DNAH14: variants seen among roughly 807,000 people sequenced by gnomAD.
DNAH14 encodes axonemal beta dynein heavy chain 14.
DNAH14 carries 478 observed loss-of-function variants against 520.9 expected under a neutral mutation model. The ratio of observed to expected loss-of-function variants is 0.92; its 90% CI spans 0.85 to 0.99. The LOEUF (loss-of-function observed/expected upper bound fraction) is 0.99. Among genes scored for constraint, DNAH14 ranks in the 50% least tolerant of loss-of-function variants. The pLI is 0.00. For synonymous variants in DNAH14, 1,581 were observed against 1,757.2 expected (o/e 0.90, Z 2.51); for missense variants, 4,831 against 5,234.5 (o/e 0.92, Z 2.38).
At chr1:224,935,815 C>A (rs2058997861) in intron 1 of DNAH14, among the ~76,000 whole-genome samples, 1 of 151,644 alleles carries the variant, frequency 6.6e-6, no homozygotes, top group African/African-American at 2.4e-5. Flanking sequence ...TATTAGGCCA[C>A]AAAACAAGTC....
intron 17 of DNAH14, among the ~76,000 whole-genome samples, chr1:225,059,171 G>C (rs1288831609): frequency 2.0e-5 from 3 of 152,262 alleles, no homozygotes; most frequent in Admixed American, 1.3e-4. Flanking sequence ...AAGTCTCTTT[G>C]TAGGTCTCCA....
chr1:225,341,861 T>C (rs900981190), intron 69 of DNAH14, among the ~76,000 whole-genome samples: 10 of 152,238 alleles, frequency 6.6e-5, no homozygotes, highest in Middle Eastern at 3.2e-3. Flanking sequence ...ACTGCCTTTC[T>C]ATTTTAACTT....
Position 224,929,811 on chromosome 1 carries a change from C to A in DNAH14, c.-58C>A. The stretch of plus-strand genomic sequence containing the variant: ...TCGCCGCTTCCAGGAAGGGCCACAA[C>A]GGCCGTCGGACCACGGCGCGGCGGG... On this transcript the variant is annotated 5_prime_UTR_variant, in exon 1 of 86. Transcript: ENST00000682510. 2.9e-6 allele frequency: 2 copies of A among 696,424 alleles called. No individual in the cohort carries two copies. The highest frequency in any genetic ancestry group is 3.0e-5 in the South Asian group (2 of 67,366). 43.1% of individuals were successfully genotyped at this position (696,424 alleles called of 1,614,324 possible). A position where few individuals can be genotyped will look rare whatever the true frequency, so the allele number is the denominator to read the frequency against.
chr1:225,201,272 T>C (rs530980878), intron 38 of DNAH14, among the ~76,000 whole-genome samples: 1 of 152,224 alleles, frequency 6.6e-6, no homozygotes, highest in Admixed American at 6.5e-5. Flanking sequence ...TCATTTCTTG[T>C]GTTATTTTTT....
intron 66 of DNAH14, among the ~76,000 whole-genome samples, chr1:225,334,865 T>C (rs1460387567): frequency 1.4e-5 from 2 of 145,028 alleles, no homozygotes. Flanking sequence ...CAAGTCTCTG[T>C]CTCTCTCTCT....
chr1:225,285,365 A>C (rs1201547678), intron 54 of DNAH14, among the ~76,000 whole-genome samples: 1 of 152,118 alleles, frequency 6.6e-6, no homozygotes, highest in Non-Finnish European at 1.5e-5. Flanking sequence ...CCTGGCCAAC[A>C]GGGTGAAACT....
chr1:225,142,058 T>C (rs1486297759), intron 28 of DNAH14, among the ~76,000 whole-genome samples: 4 of 152,216 alleles, frequency 2.6e-5, no homozygotes, highest in African/African-American at 7.2e-5. Flanking sequence ...ATATCTGATA[T>C]ATACTCACAT....
At chr1:224,974,923 T>G (rs1476185372) in intron 8 of DNAH14, among the ~76,000 whole-genome samples, 4 of 151,904 alleles carry the variant, frequency 2.6e-5, no homozygotes, top group African/African-American at 7.3e-5. Context: ...TTATTGAGAG[T>G]TTTTAGCATG....
At chr1:225,090,235 A>G (rs1449853840) in intron 21 of DNAH14, among the ~76,000 whole-genome samples, 1 of 152,138 alleles carries the variant, frequency 6.6e-6, no homozygotes, top group African/African-American at 2.4e-5. Context: ...AAAACCCTGC[A>G]GAGAGAAAGA....
intron 36 of DNAH14, among the ~76,000 whole-genome samples, chr1:225,171,884 C>A (rs1404003080): frequency 6.6e-6 from 1 of 152,132 alleles, no homozygotes. Context: ...ACTGGCAAAC[C>A]GAATCCAGCA....
At chr1:225,151,975 G>A (rs747817467) in intron 31 of DNAH14, 30 bp from the exon 32 acceptor site, 1 of 1,516,992 alleles carries the variant, frequency 6.6e-7, no homozygotes, top group Non-Finnish European at 9.0e-7. Flanking sequence ...AGAAAACAGT[G>A]CTAGTGATGA....
chr1:225,368,415 C>T (rs7550037), intron 77 of DNAH14, among the ~76,000 whole-genome samples: 75,565 of 152,012 alleles, frequency 0.5, 20,534 homozygotes, highest in Middle Eastern at 0.69. Flanking sequence ...ACAGACATAA[C>T]TTAGTATAAA....
intron 75 of DNAH14, among the ~76,000 whole-genome samples, chr1:225,362,229 A>T (rs894284495): frequency 6.6e-6 from 1 of 152,230 alleles, no homozygotes; most frequent in Non-Finnish European, 1.5e-5. Flanking sequence ...AATAAGAGTA[A>T]TTAATGATAC....
intron 27 of DNAH14, among the ~76,000 whole-genome samples, chr1:225,135,623 A>G (rs1397330983): frequency 6.6e-6 from 1 of 152,156 alleles, no homozygotes; most frequent in Admixed American, 6.5e-5. Flanking sequence ...TGTGGCTATG[A>G]GAAGAGTCTA....
chr1:225,055,963 C>T (rs2148353136), intron 17 of DNAH14, among the ~76,000 whole-genome samples: 1 of 152,026 alleles, frequency 6.6e-6, no homozygotes, highest in East Asian at 1.9e-4. Context: ...AGTTCCAAGT[C>T]TTTGCTATTG....
chr1:225,116,292 G>A (rs1009531280), intron 23 of DNAH14, among the ~76,000 whole-genome samples: 7 of 152,162 alleles, frequency 4.6e-5, no homozygotes, highest in African/African-American at 7.2e-5. Flanking sequence ...TTAAATAAGA[G>A]AGTGAAATAA....
chr1:225,163,781 T>C (rs2081768653), intron 35 of DNAH14, among the ~76,000 whole-genome samples: 1 of 152,196 alleles, frequency 6.6e-6, no homozygotes, highest in Admixed American at 6.5e-5. Flanking sequence ...AATTTTCATG[T>C]CAATGTCCAT....
At chr1:225,055,059 A>G (rs775061377) in intron 17 of DNAH14, among the ~76,000 whole-genome samples, 1 of 145,276 alleles carries the variant, frequency 6.9e-6, no homozygotes, top group Non-Finnish European at 1.5e-5. Context: ...TTTTTTTTTT[A>G]CTGTGTTCAT....
At position 224,960,186 on chromosome 1, in the gene DNAH14, TG is replaced by T; in HGVS notation, c.253del (p.Val85PhefsTer45). On this transcript the variant is annotated frameshift_variant, in exon 4 of 86. Coordinates refer to ENST00000682510, the MANE Select transcript of DNAH14 (RefSeq NM_001367479.1). LOFTEE classifies it high-confidence loss of function. Reference protein sequence around the residue: ...YLRESIIQQHMVSPEPASLKE... With the variant: ...YLRESIIQQHXVSPEPASLKE... ...AGAGAAAGTATAATTCAACAACATA[TG>T]GTTTCTCCAGAGCCAGCTTCCCTTA... is the stretch of plus-strand genomic sequence containing the variant. 1 of 1,603,882 alleles carries T rather than the reference TG, an allele frequency of 6.2e-7. No homozygotes were observed. Among genetic ancestry groups the T allele is most frequent in the Non-Finnish European group, 8.5e-7 (1 of 1,176,582 alleles).
Sources: allele counts gnomAD v4.1 joint callset (sites outside exome capture counted in the v4.1 genomes callset), GRCh38; gene constraint gnomAD v4.1.1; transcripts MANE v1.5; gene names NCBI Gene and HGNC (gene_info 2026-07-23, HGNC 2026-07-21).